The following IL20RA variants were observed in gnomAD, a reference collection of about 807,000 sequenced individuals.
The protein encoded by IL20RA is interleukin-20 receptor subunit alpha.
In IL20RA, 29 loss-of-function variants were observed where a neutral mutation model predicts 36.5. The ratio of observed to expected loss-of-function variants is 0.79; its 90% CI spans 0.59 to 1.08. The LOEUF (loss-of-function observed/expected upper bound fraction) is 1.08. Among genes scored for constraint, IL20RA ranks in the 50% least tolerant of loss-of-function variants. The pLI is 0.00. For missense variants in IL20RA, 652 were observed against 668.4 expected (o/e 0.98, Z 0.27); for synonymous variants, 279 against 267.1 (o/e 1.04, Z -0.43).
intron 6 of IL20RA, among the ~76,000 whole-genome samples, chr6:137,003,519 G>C (rs973534718): frequency 6.6e-6 from 1 of 151,986 alleles, no homozygotes; most frequent in Non-Finnish European, 1.5e-5. Context: ...TCCCACTCTC[G>C]CCTGTTAGAC....
At chr6:137,021,844 A>C (rs969690136) in intron 1 of IL20RA, among the ~76,000 whole-genome samples, 4 of 152,220 alleles carry the variant, frequency 2.6e-5, no homozygotes, top group African/African-American at 9.6e-5. Flanking sequence ...CTTACCACAC[A>C]GCCAGGATGG....
At position 137,016,978 on chromosome 6, in the gene IL20RA, G is replaced by A; in HGVS notation, c.214C>T (p.Gln72Ter). ...AAAGAAGAAACTTACATGAAATACTGCACAGTGTAAGTAACTTTAACTCCT... is the reference window on the plus strand; with the variant it reads ...AAAGAAGAAACTTACATGAAATACTACACAGTGTAAGTAACTTTAACTCCT... ...LQGVKVTYTV[Q>*]YFIYGQKKWL... The change falls in exon 2 of 7, where the codon CAG becomes TAG. Residue 72 changes from glutamine (Q) to a stop codon, truncating the protein, a stop_gained. Transcript: ENST00000316649. LOFTEE classifies it high-confidence loss of function. 1 of 1,613,286 alleles carries A rather than the reference G, an allele frequency of 6.2e-7. No individual in the cohort carries two copies. Among genetic ancestry groups the A allele is most frequent in the Non-Finnish European group, 8.5e-7 (1 of 1,179,392 alleles).
chr6:137,007,293 A>G (rs1775313060), intron 5 of IL20RA, among the ~76,000 whole-genome samples: 1 of 152,244 alleles, frequency 6.6e-6, no homozygotes, highest in African/African-American at 2.4e-5. Flanking sequence ...AAGCTATGAT[A>G]AAGACAGAGA....
At chr6:137,024,964 G>A (rs2115401328) in intron 1 of IL20RA, among the ~76,000 whole-genome samples, 1 of 152,322 alleles carries the variant, frequency 6.6e-6, no homozygotes, top group Non-Finnish European at 1.5e-5. Flanking sequence ...ATGTGAGGAT[G>A]CCCCTTTGAG....
At chr6:137,020,353 C>T (rs1243534920) in intron 1 of IL20RA, among the ~76,000 whole-genome samples, 1 of 152,118 alleles carries the variant, frequency 6.6e-6, no homozygotes, top group Non-Finnish European at 1.5e-5. Flanking sequence ...TACTGGAATC[C>T]TGACCCTCAA....
rs561594887 is a variant in IL20RA, at chr6:137,010,685, CA to C, written c.403+588del. ...AAGAAGTTGCCTTAATTCTGGGTTA[CA>C]CTTGGAAATTACATCATCACACTAC... is the stretch of plus-strand genomic sequence containing the variant. On this transcript the variant is annotated intron_variant, in intron 3 of 6. Transcript: ENST00000316649. Among the ~76,000 whole-genome samples the C allele has an allele frequency of 7.5e-4, 114 of 152,262 alleles. 2 individuals are homozygous for C. The East Asian group carries it at 0.021, about 29-fold the overall frequency.
At chr6:137,043,870 G>A (rs951822088) in intron 1 of IL20RA, among the ~76,000 whole-genome samples, 1 of 152,020 alleles carries the variant, frequency 6.6e-6, no homozygotes, top group Non-Finnish European at 1.5e-5. Flanking sequence ...GAGAAATACA[G>A]GGAAAAAAAG....
intron 4 of IL20RA, 77 bp downstream of exon 4, chr6:137,009,240 A>G (rs756405360): frequency 1.8e-6 from 2 of 1,123,896 alleles, no homozygotes; most frequent in African/African-American, 1.5e-5. Flanking sequence ...CAGAGAATCA[A>G]TGCATCAGGG....
chr6:137,028,306 T>A (rs1429244201), intron 1 of IL20RA, among the ~76,000 whole-genome samples: 1 of 151,540 alleles, frequency 6.6e-6, no homozygotes, highest in African/African-American at 2.4e-5. Context: ...TAGTCCCAGC[T>A]ACTTGGGAGG....
At chr6:137,018,513 C>CGTGTGTGTGTGTGTGT (rs3842115) in intron 1 of IL20RA, among the ~76,000 whole-genome samples, 1 of 142,816 alleles carries the variant, frequency 7.0e-6, no homozygotes, top group South Asian at 2.2e-4. Context: ...CTGCCGTGTG[C>CGTGTGTGTGTGTGTGT]GTGTGTGTGT....
intron 1 of IL20RA, among the ~76,000 whole-genome samples, chr6:137,024,496 T>C (rs868156324): frequency 7.2e-5 from 11 of 152,224 alleles, no homozygotes; most frequent in African/African-American, 2.7e-4. Context: ...TAAAAAGCCA[T>C]TGGATTGGTG....
intron 3 of IL20RA, among the ~76,000 whole-genome samples, chr6:137,009,884 A>C (rs905525801): frequency 6.6e-6 from 1 of 152,106 alleles, no homozygotes; most frequent in Non-Finnish European, 1.5e-5. Context: ...GATTACAGGC[A>C]TGAGCCACCG....
At chr6:137,003,549 G>A (rs920773389) in intron 6 of IL20RA, among the ~76,000 whole-genome samples, 2 of 152,066 alleles carry the variant, frequency 1.3e-5, no homozygotes, top group South Asian at 4.2e-4. Context: ...CTCTCCCCTG[G>A]ACAAAGCTAC....
rs143683912 is a variant in IL20RA at position 137,006,758 on chromosome 6, T to C, written c.724+1841A>G. On this transcript the variant is annotated intron_variant, in intron 5 of 6. Transcript: ENST00000316649. ...TTTTTTTTGAGACAGGGTTTCACTCTGTTGCCCAGGCTGGAGTGCAGTGGC... is the reference window on the plus strand; with the variant it reads ...TTTTTTTTGAGACAGGGTTTCACTCCGTTGCCCAGGCTGGAGTGCAGTGGC... 2.0e-5 allele frequency among the ~76,000 whole-genome samples: 3 copies of C among 151,990 alleles called. No individual in the cohort carries two copies. The East Asian group carries it at 5.8e-4, about 29-fold the overall frequency.
At position 137,011,435 on chromosome 6, in the gene IL20RA, C is replaced by T; in HGVS notation, c.242G>A (p.Trp81Ter). 1 of 1,612,498 alleles carries T rather than the reference C, an allele frequency of 6.2e-7. No homozygotes were observed. The highest frequency in any genetic ancestry group is 8.5e-7 in the Non-Finnish European group (1 of 1,179,122). ...VQYFIYGQKK[W>*]LNKSECRNIN... ...ATTTCTGCATTCTGATTTATTCAGC[C>T]ATTTCTTTTGCCCATATCTGCTAAG... is the stretch of plus-strand genomic sequence containing the variant. Residue 81 changes from tryptophan to a stop codon, truncating the protein, a stop_gained, in exon 3 of 7, where the codon TGG (tryptophan) becomes TAG (stop). Coordinates refer to ENST00000316649, the MANE Select transcript of IL20RA (RefSeq NM_014432.4). LOFTEE classifies it high-confidence loss of function.
chr6:137,001,558 T>A lies in IL20RA; in HGVS notation c.1662A>T (p.Ter554CysextTer15). The stretch of plus-strand genomic sequence containing the variant: ...CAAAAGGCAAAAGGAAGTGTTGGCA[T>A]CAGTTTTCCATCTGCACATATAACC... The part of the protein sequence containing the change: ...EWGLYVQMEN[*>C] The change falls in exon 7 of 7, where the codon TGA (stop) becomes TGT (cysteine). Residue 554 changes from the stop codon to cysteine, a stop_lost. Coordinates refer to ENST00000316649, the MANE Select transcript of IL20RA (RefSeq NM_014432.4). The A allele has an allele frequency of 6.5e-7, 1 of 1,531,450 alleles. No homozygotes were observed. The highest frequency in any genetic ancestry group is 1.3e-5 in the South Asian group (1 of 78,794). 94.9% of individuals were successfully genotyped at this position (1,531,450 alleles called of 1,614,324 possible). A position where few individuals can be genotyped will look rare whatever the true frequency, so the allele number is the denominator to read the frequency against.
In IL20RA at chr6:137,009,422, T is replaced by C; in HGVS notation, c.474A>G (p.Pro158=). 6.2e-7 allele frequency: 1 copy of C among 1,612,762 alleles called. No individual in the cohort carries two copies. The highest frequency in any genetic ancestry group is 2.2e-5 in the East Asian group (1 of 44,858). The change falls in exon 4 of 7, where the codon CCA becomes CCG. Residue 158 remains proline (P), a synonymous_variant. Coordinates refer to ENST00000316649, the MANE Select transcript of IL20RA (RefSeq NM_014432.4). ...EKSISVVLTA[P]EKWKRNPEDL... is the part of the protein sequence containing the mutation. ...CTTCTGGATTTCTCTTCCACTTCTCTGGAGCTGTCAGGACAACAGAAATGG... is the reference window on the plus strand; with the variant it reads ...CTTCTGGATTTCTCTTCCACTTCTCCGGAGCTGTCAGGACAACAGAAATGG...
chr6:137,019,360 C>A (rs1775821538), intron 1 of IL20RA, among the ~76,000 whole-genome samples: 1 of 151,880 alleles, frequency 6.6e-6, no homozygotes, highest in African/African-American at 2.4e-5. Context: ...AACTCCTGAC[C>A]TCAGGTGATC....
At chr6:137,013,309 G>A (rs976042977) in intron 2 of IL20RA, among the ~76,000 whole-genome samples, 7 of 152,162 alleles carry the variant, frequency 4.6e-5, no homozygotes, top group African/African-American at 1.7e-4. Flanking sequence ...CATGACAGAT[G>A]CTGATGCAGG....
Sources: gnomAD v4.1 joint callset for allele counts (sites outside exome capture counted in the v4.1 genomes callset) on GRCh38, gnomAD v4.1.1 for gene constraint, MANE v1.5 for transcripts, NCBI Gene and HGNC (gene_info 2026-07-23, HGNC 2026-07-21) for gene names.